The following ARID1B variants were observed in gnomAD, a reference collection of about 807,000 sequenced individuals.
ARID1B encodes AT-rich interaction domain 1B.
Under a neutral mutation model 212.3 loss-of-function variants are expected in ARID1B, and 30 were observed. The observed-to-expected ratio is 0.14, with a 90% CI of 0.11 to 0.19. The LOEUF is 0.19. Among genes scored for constraint, ARID1B ranks in the 10% least tolerant of loss-of-function variants. ARID1B has a pLI of 1.00. For missense variants in ARID1B, 2,891 were observed against 3,204.0 expected (o/e 0.90, Z 2.36); for synonymous variants, 1,402 against 1,301.7 (o/e 1.08, Z -1.66).
At position 156,778,336 on chromosome 6, in the gene ARID1B, A is replaced by G. The variant is rs769645555; in HGVS notation, c.656A>G (p.Asn219Ser). 6.5e-6 allele frequency: 10 copies of G among 1,542,662 alleles called. No individual in the cohort carries two copies. In the African/African-American group the frequency reaches 8.2e-5, roughly 13 times the overall value. Residue 219 changes from asparagine to serine, a missense_variant, in exon 1 of 20, where the codon AAC becomes AGC. Asn to Ser is a conservative substitution (Grantham distance 46). Around this residue, in one of 7 missense-constraint regions of ARID1B, gnomAD observed 1,643 missense variants for 1,544.0 expected, o/e 1.06. Transcript: ENST00000636930. ...CAGCAACAGCAACATCCCATTTCCA[A>G]CAACAACAGCTTGGGCGGCGCGGGC... Reference protein sequence around the residue: ...QQQQQQHPISNNNSLGGAGGG... With the variant: ...QQQQQQHPISSNNSLGGAGGG...
intron 2 of ARID1B, among the ~76,000 whole-genome samples, chr6:156,871,396 C>T (rs577301494): frequency 4.4e-4 from 67 of 152,288 alleles, no homozygotes; most frequent in Non-Finnish European, 8.4e-4. Context: ...GTCTGAAAAA[C>T]GGTGCTAGAC....
At chr6:157,127,303 G>A (rs377711089) in intron 6 of ARID1B, among the ~76,000 whole-genome samples, 6 of 152,160 alleles carry the variant, frequency 3.9e-5, no homozygotes, top group Non-Finnish European at 5.9e-5. Flanking sequence ...TGAGATCCTC[G>A]CCCAGTGCTC....
intron 2 of ARID1B, among the ~76,000 whole-genome samples, chr6:156,888,744 A>G (rs1787708683): frequency 6.6e-6 from 1 of 152,200 alleles, no homozygotes; most frequent in African/African-American, 2.4e-5. Context: ...TTCTGTGAGC[A>G]GAATTGACCC....
intron 8 of ARID1B, among the ~76,000 whole-genome samples, chr6:157,161,564 CG>C (rs1331016132): frequency 6.6e-6 from 1 of 151,856 alleles, no homozygotes; most frequent in Non-Finnish European, 1.5e-5. Flanking sequence ...CCATGTAATT[CG>C]GGTTGAAAAT....
intron 4 of ARID1B, among the ~76,000 whole-genome samples, chr6:156,962,378 TA>T (rs1794443523): frequency 6.6e-6 from 1 of 152,254 alleles, no homozygotes; most frequent in Non-Finnish European, 1.5e-5. Flanking sequence ...CAGTTATTTC[TA>T]AAAAGCTGTG....
At chr6:156,907,296 G>T (rs1350575222) in intron 3 of ARID1B, among the ~76,000 whole-genome samples, 1 of 152,118 alleles carries the variant, frequency 6.6e-6, no homozygotes, top group Non-Finnish European at 1.5e-5. Flanking sequence ...AGTTTGCGAA[G>T]AGATTTTTTC....
intron 3 of ARID1B, among the ~76,000 whole-genome samples, chr6:156,917,214 C>A (rs971115631): frequency 1.3e-5 from 2 of 152,008 alleles, no homozygotes; most frequent in Admixed American, 1.3e-4. Flanking sequence ...GGCTTTTATA[C>A]GTATAGTTTC....
At chr6:156,880,202 A>G (rs1229937019) in intron 2 of ARID1B, among the ~76,000 whole-genome samples, 2 of 152,220 alleles carry the variant, frequency 1.3e-5, no homozygotes, top group Non-Finnish European at 2.9e-5. Context: ...GAGCGGGTCA[A>G]AGGAAAAGAA....
chr6:157,111,542 A>G (rs1243717808), intron 6 of ARID1B, among the ~76,000 whole-genome samples: 1 of 152,150 alleles, frequency 6.6e-6, no homozygotes, highest in African/African-American at 2.4e-5. Flanking sequence ...GGCAGCTAAT[A>G]TGTACTGGGC....
At chr6:156,845,101 C>A (rs1433960829) in intron 2 of ARID1B, among the ~76,000 whole-genome samples, 1 of 35,314 alleles carries the variant, frequency 2.8e-5, no homozygotes, top group Non-Finnish European at 6.8e-5. Context: ...CATCTTCAGC[C>A]GGGGATGCAT....
At chr6:156,915,725 G>A (rs1790297444) in intron 3 of ARID1B, among the ~76,000 whole-genome samples, 1 of 152,012 alleles carries the variant, frequency 6.6e-6, no homozygotes. Context: ...GTGAAACCCT[G>A]TCTCTACTAA....
rs1349231927 is a variant in ARID1B, at chr6:157,201,268, C to T, written c.5043C>T (p.Ser1681=). 6.2e-7 allele frequency: 1 copy of T among 1,614,152 alleles called. No homozygotes were observed. The highest frequency in any genetic ancestry group is 2.2e-5 in the East Asian group (1 of 44,872). The change falls in exon 18 of 20, where the codon TCC becomes TCT. Residue 1681 remains serine (S), a synonymous_variant. Coordinates refer to ENST00000636930, the MANE Select transcript of ARID1B (RefSeq NM_001374828.1). The surrounding 1 kb of genome is among the most constrained non-coding windows in gnomAD (Gnocchi z 5.2). ...NHISRAPSPA[S]FQRSLENRMS... ...TCTCCAGGGCGCCCAGCCCAGCGTC[C>T]TTCCAGCGCTCCCTGGAGAACCGCA...
intron 5 of ARID1B, among the ~76,000 whole-genome samples, chr6:157,108,943 A>G (rs1042630626): frequency 1.3e-5 from 2 of 152,220 alleles, no homozygotes; most frequent in Admixed American, 6.5e-5. Flanking sequence ...ACACTCAGAA[A>G]TACATAAACA....
chr6:156,884,322 A>AT (rs36056383), intron 2 of ARID1B, among the ~76,000 whole-genome samples: 17,473 of 148,288 alleles, frequency 0.12, 1,214 homozygotes, highest in East Asian at 0.3. Flanking sequence ...TAATTTAAGA[A>AT]TTTTTTTTTT....
intron 8 of ARID1B, among the ~76,000 whole-genome samples, chr6:157,154,820 A>G (rs1445080406): frequency 2.0e-5 from 3 of 151,788 alleles, no homozygotes; most frequent in African/African-American, 7.3e-5. Flanking sequence ...TAACGTCGTG[A>G]TCCACCCGCC....
chr6:156,893,251 C>A (rs890399823), intron 2 of ARID1B, among the ~76,000 whole-genome samples: 6 of 152,054 alleles, frequency 3.9e-5, no homozygotes, highest in African/African-American at 1.5e-4. Context: ...GTCTCGAACT[C>A]CTGACCTCAA....
At chr6:156,828,000 A>G (rs1485931440) in intron 1 of ARID1B, among the ~76,000 whole-genome samples, 7 of 148,930 alleles carry the variant, frequency 4.7e-5, no homozygotes, top group African/African-American at 7.4e-5. Context: ...ACCTCAACTG[A>G]TCTGCCCGTC....
chr6:157,086,860 T>C (rs1583283741), intron 5 of ARID1B, among the ~76,000 whole-genome samples: 1 of 152,172 alleles, frequency 6.6e-6, no homozygotes, highest in East Asian at 1.9e-4. Context: ...GGTGAGTGGG[T>C]TATACACCAT....
chr6:156,956,252 T>C (rs1793971636), intron 4 of ARID1B, among the ~76,000 whole-genome samples: 4 of 152,146 alleles, frequency 2.6e-5, no homozygotes, highest in African/African-American at 9.7e-5. Context: ...TCATGGAGGC[T>C]GGCCCATAAT....
Sources: gnomAD v4.1 joint callset for allele counts (sites outside exome capture counted in the v4.1 genomes callset) on GRCh38, gnomAD v4.1.1 for gene constraint, gnomAD v4.1.1 regional missense constraint, Gnocchi (gnomAD v3.1) non-coding constraint, MANE v1.5 for transcripts, NCBI Gene and HGNC (gene_info 2026-07-23, HGNC 2026-07-21) for gene names.